Variants in TFPI observed in about 807,000 individuals in gnomAD.
The protein encoded by TFPI is anti-convertin.
Under a neutral mutation model 34.6 loss-of-function variants are expected in TFPI, and 15 were observed. The observed-to-expected ratio is 0.43, with a 90% CI of 0.29 to 0.67. TFPI has a LOEUF of 0.67. Ranked by LOEUF, TFPI falls within the 30% of genes least tolerant of loss-of-function variation. The pLI is 0.15. For missense variants in TFPI, 301 were observed against 364.0 expected (o/e 0.83, Z 1.41); for synonymous variants, 105 against 120.1 (o/e 0.87, Z 0.82).
chr2:187,488,295 C>A, intron 4 of TFPI, 42 bp downstream of exon 4: 2 of 1,513,666 alleles, frequency 1.3e-6, no homozygotes, highest in South Asian at 1.3e-5. Flanking sequence ...ATCTAAATGC[C>A]TTACATAAAT....
intron 1 of TFPI, among the ~76,000 whole-genome samples, chr2:187,550,527 A>G (rs1000544685): frequency 3.3e-5 from 5 of 152,148 alleles, no homozygotes; most frequent in Non-Finnish European, 5.9e-5. Context: ...CCAACACCCA[A>G]TAAGGTAAAA....
Position 187,514,997 on chromosome 2 carries a change from G to C in TFPI, c.-2-11227C>G, listed in dbSNP as rs550351493. ...AAACTCATGTCGGCCCTAGCCCTGG[G>C]GCTACCTGACCAGACAAAACCTTTT... On this transcript the variant is annotated intron_variant, in intron 1 of 7. Coordinates refer to ENST00000233156, the MANE Select transcript of TFPI (RefSeq NM_006287.6). The C allele has an allele frequency of 3.0e-4, 46 of 152,330 alleles. 1 individual carries two copies. The highest frequency in any genetic ancestry group is 2.8e-3 in the Admixed American group (43 of 15,294). 9.4% of individuals were successfully genotyped at this position (152,330 alleles called of 1,614,324 possible).
intron 1 of TFPI, among the ~76,000 whole-genome samples, chr2:187,553,392 C>G (rs1307962365): frequency 6.6e-6 from 1 of 151,976 alleles, no homozygotes; most frequent in Non-Finnish European, 1.5e-5. Context: ...TGGTAGTACT[C>G]TTGGCCCTTA....
chr2:187,552,944 G>A (rs1012903335), intron 1 of TFPI, among the ~76,000 whole-genome samples: 1 of 151,756 alleles, frequency 6.6e-6, no homozygotes, highest in Admixed American at 6.6e-5. Context: ...TTCAATCTTT[G>A]TTGATCCCTA....
intron 1 of TFPI, among the ~76,000 whole-genome samples, chr2:187,528,216 G>C (rs1035369745): frequency 3.9e-5 from 6 of 152,210 alleles, no homozygotes; most frequent in Admixed American, 3.9e-4. Flanking sequence ...GAAGGGCGTA[G>C]GTCTAAAGCT....
At chr2:187,536,843 C>G (rs1050042915) in intron 1 of TFPI, among the ~76,000 whole-genome samples, 2 of 152,218 alleles carry the variant, frequency 1.3e-5, no homozygotes, top group African/African-American at 4.8e-5. Flanking sequence ...ACACCATCAT[C>G]TCAGTCCAAA....
chr2:187,467,082 A>T, intron 7 of TFPI, 40 bp from the exon 8 acceptor site: 2 of 1,233,420 alleles, frequency 1.6e-6, no homozygotes, highest in Non-Finnish European at 1.1e-6. Flanking sequence ...GTGATAAAAT[A>T]ACACAATGAA....
At chr2:187,492,834 G>A (rs371619362) in intron 3 of TFPI, among the ~76,000 whole-genome samples, 13 of 152,272 alleles carry the variant, frequency 8.5e-5, no homozygotes, top group East Asian at 5.8e-4. Context: ...TAGGCAGAAG[G>A]GACTTGCCTT....
intron 3 of TFPI, among the ~76,000 whole-genome samples, chr2:187,494,602 C>T (rs1005955241): frequency 2.0e-5 from 3 of 152,170 alleles, no homozygotes; most frequent in African/African-American, 7.2e-5. Flanking sequence ...ATCATGGCTG[C>T]CGATTAAATT....
intron 1 of TFPI, among the ~76,000 whole-genome samples, chr2:187,536,406 C>G (rs1297149464): frequency 6.6e-6 from 1 of 152,170 alleles, no homozygotes; most frequent in Non-Finnish European, 1.5e-5. Flanking sequence ...TGGCTTCATC[C>G]CTGGGATGCA....
rs375894882 is a variant in TFPI, at chr2:187,484,801, A to G, written c.535+10T>C. ...TAAATGAACTAAAATGAAATAAGAA[A>G]TAAACTTACGACCATCTTCACAAAT... On this transcript the variant is annotated intron_variant, in intron 5 of 7. Coordinates refer to ENST00000233156, the MANE Select transcript of TFPI (RefSeq NM_006287.6). 428 of 1,572,914 alleles carry G rather than the reference A, an allele frequency of 2.7e-4. 3 individuals carry two copies. The Middle Eastern group carries it at 3.7e-3, about 14-fold the overall frequency.
chr2:187,479,391 G>A (rs566144368), intron 6 of TFPI, among the ~76,000 whole-genome samples: 51 of 150,998 alleles, frequency 3.4e-4, no homozygotes, highest in Non-Finnish European at 3.2e-4. Flanking sequence ...GTTTACTTAT[G>A]TTAGATATAT....
intron 1 of TFPI, among the ~76,000 whole-genome samples, chr2:187,534,367 T>A (rs1400907614): frequency 6.6e-6 from 1 of 152,192 alleles, no homozygotes; most frequent in Non-Finnish European, 1.5e-5. Flanking sequence ...TAACAGTGGA[T>A]CTCTCTGCAG....
chr2:187,511,084 G>A (rs992765890), intron 1 of TFPI, among the ~76,000 whole-genome samples: 24 of 152,178 alleles, frequency 1.6e-4, no homozygotes, highest in African/African-American at 4.3e-4. Flanking sequence ...TCCTGAGAGC[G>A]CTCCTGGGTA....
At chr2:187,514,006 A>C (rs1321177678) in intron 1 of TFPI, 2 of 152,176 alleles carry the variant, frequency 1.3e-5, no homozygotes, top group African/African-American at 2.4e-5. Context: ...GGAGATTTCC[A>C]TAAAGACCCC....
intron 1 of TFPI, among the ~76,000 whole-genome samples, chr2:187,542,736 G>A (rs759535247): frequency 1.3e-5 from 2 of 151,914 alleles, no homozygotes; most frequent in Admixed American, 1.3e-4. Flanking sequence ...GCGTGGTGGC[G>A]TGTGCCTGTA....
rs760490203 is a variant in TFPI at position 187,484,134 on chromosome 2, G to A, written c.618C>T (p.Pro206=). 1 of 1,611,920 alleles carries A rather than the reference G, an allele frequency of 6.2e-7. No individual in the cohort carries two copies. The highest frequency in any genetic ancestry group is 8.5e-7 in the Non-Finnish European group (1 of 1,178,608). The change falls in exon 6 of 8, where the codon CCC becomes CCT. Residue 206 remains proline (P), a synonymous_variant. Transcript: ENST00000233156. ...NSLTPQSTKV[P]SLFEFHGPSW... ...CCACAAGATTCTTACCAAAAAGGCT[G>A]GGAACCTTGGTTGATTGCGGAGTCA...
chr2:187,521,269 A>C (rs1201984205), intron 1 of TFPI, among the ~76,000 whole-genome samples: 1 of 152,096 alleles, frequency 6.6e-6, no homozygotes, highest in Non-Finnish European at 1.5e-5. Flanking sequence ...AAATAGCAGA[A>C]TCTCCTATTT....
At chr2:187,517,084 A>G (rs1687060932) in intron 1 of TFPI, 1 of 152,174 alleles carries the variant, frequency 6.6e-6, no homozygotes, top group African/African-American at 2.4e-5. Context: ...GCTACACTAC[A>G]AAAGTAAAAT....
Sources: allele counts gnomAD v4.1 joint callset (sites outside exome capture counted in the v4.1 genomes callset), GRCh38; gene constraint gnomAD v4.1.1; transcripts MANE v1.5; gene names NCBI Gene and HGNC (gene_info 2026-07-23, HGNC 2026-07-21).